SLC4A1: variants seen among roughly 807,000 people sequenced by gnomAD.
SLC4A1 encodes band 3 anion transport protein.
In SLC4A1, 29 loss-of-function variants were observed where a neutral mutation model predicts 93.1. That is an observed-to-expected ratio of 0.31 (90% confidence interval 0.23 to 0.42). The LOEUF (loss-of-function observed/expected upper bound fraction) is 0.42, where lower values mean the gene tolerates loss of function less well. Ranked by LOEUF, SLC4A1 falls within the 20% of genes least tolerant of loss-of-function variation. The pLI is 1.00. For missense variants in SLC4A1, 965 were observed against 1,190.1 expected (o/e 0.81, Z 2.78); for synonymous variants, 469 against 497.2 (o/e 0.94, Z 0.76).
chr17:44,250,521 G>T lies in SLC4A1; in HGVS notation c.2673C>A (p.Ala891=), dbSNP rs1239642865. ...VELQCLDADD[A]KATFDEEEGR... ...CTTCCTCCTCATCAAAGGTTGCCTT[G>T]GCATCATCAGCATCCAGCTGGAGGG... The change falls in exon 20 of 20, where the codon GCC becomes GCA. Residue 891 remains alanine, a synonymous_variant. Transcript: ENST00000262418. 3 of 1,613,682 alleles carry T rather than the reference G, an allele frequency of 1.9e-6. No homozygotes were observed.
rs761601838 is a variant in SLC4A1 at position 44,251,577 on chromosome 17, G to A, written c.2323C>T (p.Leu775Phe). Reference sequence around the variant, plus strand: ...ATGCGGGACAGGATGGGCTCCATGAGGATGGACAGGCCTGTGGGGGAGCCG... The same window carrying A: ...ATGCGGGACAGGATGGGCTCCATGAAGATGGACAGGCCTGTGGGGGAGCCG... ...LVAVLVGLSILMEPILSRIPL... is the reference protein window; with the variant it reads ...LVAVLVGLSIFMEPILSRIPL... The change falls in exon 18 of 20, where the codon CTC becomes TTC. Residue 775 changes from leucine (L) to phenylalanine (F), a missense_variant. Around this residue, in one of 2 missense-constraint regions of SLC4A1, gnomAD observed 770 missense variants for 1,006.6 expected, o/e 0.76. Transcript: ENST00000262418. 6.2e-6 allele frequency: 10 copies of A among 1,614,044 alleles called. No individual in the cohort carries two copies. Among genetic ancestry groups the A allele is most frequent in the Non-Finnish European group, 6.8e-6 (8 of 1,179,994 alleles).
At chr17:44,257,833 C>G in intron 11 of SLC4A1, 26 bp from the exon 12 acceptor site, 1 of 1,613,066 alleles carries the variant, frequency 6.2e-7, no homozygotes, top group African/African-American at 1.3e-5. Context: ...ACAGTGGGAT[C>G]AAGGTCAGGA....
intron 13 of SLC4A1, among the ~76,000 whole-genome samples, chr17:44,256,235 A>G (rs1039697156): frequency 6.8e-6 from 1 of 147,636 alleles, no homozygotes; most frequent in African/African-American, 2.6e-5. Flanking sequence ...CTCAATTGAC[A>G]TGGAAACAGA....
At chr17:44,262,133 G>T in intron 3 of SLC4A1, 1 of 920,062 alleles carries the variant, frequency 1.1e-6, no homozygotes, top group Non-Finnish European at 1.3e-6. Flanking sequence ...ATTTCCAAGA[G>T]GGGCCTCTTA....
At chr17:44,265,581 C>A (rs1479385788) in intron 1 of SLC4A1, among the ~76,000 whole-genome samples, 1 of 152,056 alleles carries the variant, frequency 6.6e-6, no homozygotes, top group East Asian at 1.9e-4. Context: ...CTGTGTTAGC[C>A]AGGATGGTCT....
At chr17:44,252,807 G>A (rs1348660096) in intron 17 of SLC4A1, among the ~76,000 whole-genome samples, 4 of 152,198 alleles carry the variant, frequency 2.6e-5, no homozygotes, top group African/African-American at 7.2e-5. Context: ...AGGGATACTG[G>A]GTTAGCAGCA....
intron 1 of SLC4A1, 121 bp from the exon 2 acceptor site, chr17:44,263,055 G>T: frequency 1.2e-6 from 1 of 807,300 alleles, no homozygotes; most frequent in Non-Finnish European, 2.1e-6. Context: ...AGGGCCAGAG[G>T]AAGGAAGTGT....
rs895817071 is a variant in SLC4A1, at chr17:44,255,306, G to A, written c.1801-10C>T. On this transcript the variant is annotated splice_polypyrimidine_tract_variant and intron_variant, in intron 14 of 19. Coordinates refer to ENST00000262418, the MANE Select transcript of SLC4A1 (RefSeq NM_000342.4). ...CGATGACCCGACGCAGCTGGGGGCA[G>A]GTGAAAGGACCAGTGGTCAGTGCCC... 1 of 1,550,872 alleles carries A rather than the reference G, an allele frequency of 6.4e-7. No homozygotes were observed. The highest frequency in any genetic ancestry group is 1.4e-5 in the African/African-American group (1 of 73,240).
intron 1 of SLC4A1, among the ~76,000 whole-genome samples, chr17:44,265,491 T>C (rs1175202829): frequency 1.3e-5 from 2 of 152,072 alleles, no homozygotes; most frequent in Non-Finnish European, 2.9e-5. Context: ...TGCCTCAGCC[T>C]CCCGAGTAGC....
intron 1 of SLC4A1, 23 bp from the exon 2 acceptor site, chr17:44,262,957 A>G: frequency 6.2e-7 from 1 of 1,604,496 alleles, no homozygotes; most frequent in South Asian, 1.1e-5. Context: ...GCACAGGCTG[A>G]GTGGGGCACA....
intron 19 of SLC4A1, 37 bp downstream of exon 19, chr17:44,251,122 C>T (rs1342277585): frequency 1.3e-6 from 2 of 1,564,714 alleles, no homozygotes; most frequent in African/African-American, 1.4e-5. Context: ...CTCGCATGCT[C>T]CCAGCTCTTG....
intron 1 of SLC4A1, among the ~76,000 whole-genome samples, chr17:44,267,414 T>C (rs2047504117): frequency 6.6e-6 from 1 of 152,192 alleles, no homozygotes; most frequent in Non-Finnish European, 1.5e-5. Context: ...GTGCCTAGCA[T>C]ATAAGGAGCG....
rs772317162 is a variant in SLC4A1, at chr17:44,259,519, T to C, written c.672A>G (p.Ser224=). ...TACCCACTAGCACCAACGTGGCCTC[T>C]GAATCCGGGGGAATCTTTTCCAGAA... ...SGILEKIPPD[S]EATLVLVGRA... The change falls in exon 8 of 20, where the codon TCA becomes TCG. Residue 224 remains serine, a synonymous_variant. Coordinates refer to ENST00000262418, the MANE Select transcript of SLC4A1 (RefSeq NM_000342.4). 1.1e-5 allele frequency: 17 copies of C among 1,614,092 alleles called. No individual in the cohort carries two copies. In the South Asian group the frequency reaches 1.9e-4, roughly 18 times the overall value.
intron 19 of SLC4A1, 127 bp from the exon 20 acceptor site, chr17:44,250,665 G>T: frequency 1.4e-6 from 1 of 730,238 alleles, no homozygotes; most frequent in Non-Finnish European, 2.4e-6. Context: ...GACCAGTCCT[G>T]TTTTATCTCC....
chr17:44,263,713 CCT>C (rs2047470039), intron 1 of SLC4A1, among the ~76,000 whole-genome samples: 1 of 139,042 alleles, frequency 7.2e-6, no homozygotes, highest in Non-Finnish European at 1.5e-5. Context: ...TTCCCTCCTT[CCT>C]TCCTTCCTTC....
chr17:44,264,110 C>T (rs990814144), intron 1 of SLC4A1, among the ~76,000 whole-genome samples: 33 of 152,100 alleles, frequency 2.2e-4, no homozygotes, highest in African/African-American at 8.0e-4. Flanking sequence ...TTAAGTGAAC[C>T]TCCCACCTCA....
chr17:44,262,523 G>A (rs890907640), intron 3 of SLC4A1, 113 bp downstream of exon 3: 7 of 754,452 alleles, frequency 9.3e-6, no homozygotes, highest in Admixed American at 2.2e-5. Context: ...AGGGGAGAAC[G>A]GCCCGTGGTG....
At chr17:44,262,574 C>T (rs2144624845) in intron 3 of SLC4A1, 62 bp downstream of exon 3, 1 of 1,253,836 alleles carries the variant, frequency 8.0e-7, no homozygotes, top group Middle Eastern at 1.9e-4. Flanking sequence ...GGACAAGTGC[C>T]CCTCCTGTCC....
At chr17:44,264,734 G>A (rs956758870) in intron 1 of SLC4A1, among the ~76,000 whole-genome samples, 10 of 152,136 alleles carry the variant, frequency 6.6e-5, no homozygotes, top group African/African-American at 2.4e-4. Context: ...AGGCCTCTGA[G>A]CTCGGGGTCT....
Sources: gnomAD v4.1 joint callset for allele counts (sites outside exome capture counted in the v4.1 genomes callset) on GRCh38, gnomAD v4.1.1 for gene constraint, gnomAD v4.1.1 regional missense constraint, MANE v1.5 for transcripts, NCBI Gene and HGNC (gene_info 2026-07-23, HGNC 2026-07-21) for gene names.